CTNND1: variants seen among roughly 807,000 people sequenced by gnomAD.
The protein encoded by CTNND1 is catenin delta 1, also known as catenin delta-1.
In CTNND1, 16 loss-of-function variants were observed where a neutral mutation model predicts 112.1. The ratio of observed to expected loss-of-function variants is 0.14; its 90% CI spans 0.10 to 0.22. The LOEUF is 0.22. CTNND1 is among the 10% of genes least tolerant of loss of function. The probability of loss-of-function intolerance (pLI) is 1.00; values close to 1 mark genes in which losing one functional copy is unlikely to be tolerated. For synonymous variants in CTNND1, 420 were observed against 446.5 expected, an observed-to-expected ratio of 0.94 and a Z score of 0.75; for missense variants, 1,008 against 1,257.0, an observed-to-expected ratio of 0.80 and a Z score of 3.00.
intron 1 of CTNND1, among the ~76,000 whole-genome samples, chr11:57,777,430 C>T (rs1005648524): frequency 2.6e-5 from 4 of 152,118 alleles, no homozygotes; most frequent in African/African-American, 9.7e-5. Flanking sequence ...CCACCATGCC[C>T]GGCAAATTTT....
At chr11:57,804,181 G>A (rs1465966008) in intron 8 of CTNND1, among the ~76,000 whole-genome samples, 1 of 152,144 alleles carries the variant, frequency 6.6e-6, no homozygotes, top group Non-Finnish European at 1.5e-5. Context: ...TCAGCAAAAG[G>A]GGTACAGAGT....
Position 57,801,811 on chromosome 11 carries a change from A to T in CTNND1, c.1035A>T (p.Gly345=), listed in dbSNP as rs1339118408. The T allele has an allele frequency of 5.0e-6, 8 of 1,614,014 alleles. No individual in the cohort carries two copies. In the South Asian group the frequency reaches 8.8e-5, roughly 18 times the overall value. ...YWAPLAQHER[G]SLASLDSLRK... is the part of the protein sequence containing the mutation. The stretch of plus-strand genomic sequence containing the variant: ...CTCCTTTGGCCCAGCATGAGCGAGG[A>T]AGTTTAGCAAGCTTGGATAGCCTGC... Residue 345 remains glycine (G), a synonymous_variant, in exon 7 of 21, where the codon GGA becomes GGT. Transcript: ENST00000399050.
intron 1 of CTNND1, among the ~76,000 whole-genome samples, chr11:57,787,428 G>T (rs998664159): frequency 1.3e-5 from 2 of 152,162 alleles, no homozygotes; most frequent in Non-Finnish European, 2.9e-5. Flanking sequence ...TAATGTAATT[G>T]GAAGTGTTAA....
At chr11:57,795,255 A>T (rs536857226) in intron 4 of CTNND1, among the ~76,000 whole-genome samples, 25 of 152,342 alleles carry the variant, frequency 1.6e-4, no homozygotes, top group African/African-American at 5.8e-4. Flanking sequence ...GATCACTCAG[A>T]TATAGATGAA....
chr11:57,794,393 A>G (rs1591475992), intron 4 of CTNND1, among the ~76,000 whole-genome samples: 1 of 152,126 alleles, frequency 6.6e-6, no homozygotes, highest in Non-Finnish European at 1.5e-5. Flanking sequence ...CCCTACCTAA[A>G]ATCTGGCTGG....
At chr11:57,808,603 G>A in intron 14 of CTNND1, 63 bp downstream of exon 14, 1 of 1,411,490 alleles carries the variant, frequency 7.1e-7, no homozygotes, top group Non-Finnish European at 9.4e-7. Context: ...TCCAGCAGGT[G>A]CCTAATAATT....
chr11:57,810,343 T>A lies in CTNND1; in HGVS notation c.2550+120T>A, dbSNP rs554642671. 1.1e-4 allele frequency: 76 copies of A among 668,678 alleles called. No homozygotes were observed. In the African/African-American group the frequency reaches 1.4e-3, roughly 12 times the overall value. 41.4% of individuals were successfully genotyped at this position (668,678 alleles called of 1,614,324 possible). ...TGCTAAACCTATTTTTTTTTTCTTTTTCGGAGACAGAGTCTCACTCTGTTG... is the reference window on the plus strand; with the variant it reads ...TGCTAAACCTATTTTTTTTTTCTTTATCGGAGACAGAGTCTCACTCTGTTG... On this transcript the variant is annotated intron_variant, in intron 16 of 20. Transcript: ENST00000399050.
rs901528280 is a variant in CTNND1, at chr11:57,788,050, G to A, written c.-213-987G>A. On this transcript the variant is annotated intron_variant, in intron 1 of 20. Coordinates refer to ENST00000399050, the MANE Select transcript of CTNND1 (RefSeq NM_001085458.2). The surrounding 1 kb of genome is among the most constrained non-coding windows in gnomAD (Gnocchi z 4.1). ...GCTTTTATTAGCAAAGAAGATTATAGGGTGGATGCTGCTGGAGTGGTAATT... is the reference window on the plus strand; with the variant it reads ...GCTTTTATTAGCAAAGAAGATTATAAGGTGGATGCTGCTGGAGTGGTAATT... Among the ~76,000 whole-genome samples, 2 of 152,196 alleles carry A rather than the reference G, an allele frequency of 1.3e-5. No homozygotes were observed. The highest frequency in any genetic ancestry group is 4.8e-5 in the African/African-American group (2 of 41,450).
chr11:57,795,457 C>A, intron 4 of CTNND1, 120 bp from the exon 5 acceptor site: 1 of 1,043,022 alleles, frequency 9.6e-7, no homozygotes, highest in Non-Finnish European at 1.4e-6. Context: ...AATCCTGAGG[C>A]CTATAGAAGA....
At chr11:57,815,687 T>A (rs2063890618) in intron 19 of CTNND1, 187 bp downstream of exon 19, 3 of 788,202 alleles carry the variant, frequency 3.8e-6, no homozygotes, top group African/African-American at 3.4e-5. Flanking sequence ...GTGGTCAAAA[T>A]GGGGGAAGCA....
At position 57,792,774 on chromosome 11, in the gene CTNND1, C is replaced by T. The variant is rs560131307; in HGVS notation, c.195+1101C>T. 2.6e-5 allele frequency among the ~76,000 whole-genome samples: 4 copies of T among 151,992 alleles called. No homozygotes were observed. The South Asian group carries it at 8.3e-4, about 32-fold the overall frequency. ...TCGATCTCTTGACCTCGTGATCCAC[C>T]TGCCTCGGCCTCCCAAAGTACTGGG... is the stretch of plus-strand genomic sequence containing the variant. On this transcript the variant is annotated intron_variant, in intron 3 of 20. Coordinates refer to ENST00000399050, the MANE Select transcript of CTNND1 (RefSeq NM_001085458.2).
intron 5 of CTNND1, among the ~76,000 whole-genome samples, chr11:57,795,933 A>C (rs964488408): frequency 6.6e-6 from 1 of 152,216 alleles, no homozygotes; most frequent in Non-Finnish European, 1.5e-5. Context: ...ATCAGGGTCT[A>C]TAGTAGCTTC....
intron 1 of CTNND1, among the ~76,000 whole-genome samples, chr11:57,776,319 G>T (rs560909353): frequency 6.6e-6 from 1 of 152,324 alleles, no homozygotes; most frequent in African/African-American, 2.4e-5. Flanking sequence ...GAGTGTTTGG[G>T]GGTGGGGGTT....
chr11:57,776,257 G>GA (rs1954205263), intron 1 of CTNND1, among the ~76,000 whole-genome samples: 1 of 152,110 alleles, frequency 6.6e-6, no homozygotes, highest in Non-Finnish European at 1.5e-5. Flanking sequence ...GCGAGGGAGG[G>GA]TGGTGGTGGA....
chr11:57,773,352 C>T (rs995390087), intron 1 of CTNND1, among the ~76,000 whole-genome samples: 1 of 151,790 alleles, frequency 6.6e-6, no homozygotes, highest in Admixed American at 6.6e-5. Context: ...AGGCTGGTCT[C>T]GAACTCCTGG....
chr11:57,814,110 T>G, intron 17 of CTNND1: 1 of 516,140 alleles, frequency 1.9e-6, no homozygotes, highest in East Asian at 3.4e-5. Flanking sequence ...AGCCCAGGAG[T>G]TTCAGACCAG....
intron 1 of CTNND1, among the ~76,000 whole-genome samples, chr11:57,764,653 T>C (rs968618170): frequency 1.3e-5 from 2 of 152,188 alleles, no homozygotes; most frequent in African/African-American, 4.8e-5. Flanking sequence ...TTGTTTGTTT[T>C]GTTTTTTAAG....
chr11:57,806,227 TTGGTGGTGGTGG>T (rs55957781), intron 10 of CTNND1, among the ~76,000 whole-genome samples, 192 bp downstream of exon 10: 4 of 150,024 alleles, frequency 2.7e-5, no homozygotes, highest in Non-Finnish European at 3.0e-5. Flanking sequence ...TTGTGATGTG[TTGGTGGTGGTGG>T]TGGTGGTGGT....
intron 6 of CTNND1, among the ~76,000 whole-genome samples, chr11:57,799,880 A>G (rs1311561324): frequency 6.6e-6 from 1 of 151,704 alleles, no homozygotes; most frequent in Non-Finnish European, 1.5e-5. Flanking sequence ...TTAATTATAC[A>G]TGTAACTATA....
Sources: gnomAD v4.1 joint callset for allele counts (sites outside exome capture counted in the v4.1 genomes callset) on GRCh38, gnomAD v4.1.1 for gene constraint, Gnocchi (gnomAD v3.1) non-coding constraint, MANE v1.5 for transcripts, NCBI Gene and HGNC (gene_info 2026-07-23, HGNC 2026-07-21) for gene names.